The following UPF1 variants were observed in gnomAD, a reference collection of about 807,000 sequenced individuals.
UPF1 encodes the protein regulator of nonsense transcripts 1.
UPF1 carries 9 observed loss-of-function variants against 129.2 expected under a neutral mutation model. The observed-to-expected ratio is 0.07, with a 90% CI of 0.04 to 0.12. The LOEUF is 0.12. Ranked by LOEUF, UPF1 falls within the 10% of genes least tolerant of loss-of-function variation. The probability of loss-of-function intolerance (pLI) is 1.00; values close to 1 mark genes in which losing one functional copy is unlikely to be tolerated. For missense variants in UPF1, 788 were observed against 1,525.3 expected (o/e 0.52, Z 8.05); for synonymous variants, 649 against 644.9 (o/e 1.01, Z -0.10).
At position 18,865,556 on chromosome 19, in the gene UPF1, T is replaced by C. The variant is rs1273886825; in HGVS notation, c.3020-5T>C. 1.2e-6 allele frequency: 2 copies of C among 1,613,746 alleles called. No individual in the cohort carries two copies. Among genetic ancestry groups the C allele is most frequent in the Non-Finnish European group, 8.5e-7 (1 of 1,180,030 alleles). On this transcript the variant is annotated splice_polypyrimidine_tract_variant and splice_region_variant and intron_variant, in intron 21 of 23. Transcript: ENST00000262803. This position sits in a 1 kb window ranked among gnomAD's most constrained non-coding sequence, Gnocchi z 6.1. Reference sequence around the variant, plus strand: ...TTCGGATCACCCTGGACTGCTGTCTTTCAGGGCGAGGCACCCCGAAAGGCA... The same window carrying C: ...TTCGGATCACCCTGGACTGCTGTCTCTCAGGGCGAGGCACCCCGAAAGGCA...
chr19:18,850,262 C>A lies in UPF1; in HGVS notation c.629+20C>A. 1.3e-6 allele frequency: 2 copies of A among 1,566,472 alleles called. No individual in the cohort carries two copies. The highest frequency in any genetic ancestry group is 1.7e-6 in the Non-Finnish European group (2 of 1,156,914). On this transcript the variant is annotated intron_variant, in intron 4 of 23. Transcript: ENST00000262803. This position sits in a 1 kb window ranked among gnomAD's most constrained non-coding sequence, Gnocchi z 7.1. ...GTGCAGGTGAGTGGTCCCCAGATGTCTCCTGGGGGTGACCTTTAAGCTCCA... is the reference window on the plus strand; with the variant it reads ...GTGCAGGTGAGTGGTCCCCAGATGTATCCTGGGGGTGACCTTTAAGCTCCA...
intron 3 of UPF1, chr19:18,848,054 T>G (rs1216289752): frequency 2.1e-6 from 1 of 472,272 alleles, no homozygotes; most frequent in African/African-American, 2.0e-5. Context: ...ATTATGCAAG[T>G]AGGGTTGGCT....
At chr19:18,847,038 C>T (rs1433709908) in intron 2 of UPF1, among the ~76,000 whole-genome samples, 5 of 152,250 alleles carry the variant, frequency 3.3e-5, no homozygotes, top group African/African-American at 9.6e-5. Context: ...GGGGCCCTCC[C>T]TGCAGCTCCT....
intron 11 of UPF1, chr19:18,855,584 G>A (rs533640437): frequency 4.4e-5 from 22 of 504,352 alleles, no homozygotes; most frequent in Non-Finnish European, 7.1e-5. Flanking sequence ...TGAAGCCTGG[G>A]CTGTCTGGAT....
At chr19:18,841,723 AGT>A (rs1217263876) in intron 1 of UPF1, among the ~76,000 whole-genome samples, 1 of 151,966 alleles carries the variant, frequency 6.6e-6, no homozygotes, top group Non-Finnish European at 1.5e-5. Flanking sequence ...CTCCAGGGAG[AGT>A]GGCTGATCCC....
Position 18,854,891 on chromosome 19 carries a change from A to G in UPF1, c.1278A>G (p.Ala426=), listed in dbSNP as rs200925901. The change falls in exon 10 of 24, where the codon GCA becomes GCG. Residue 426 remains alanine (A), a synonymous_variant. Coordinates refer to ENST00000262803, the MANE Select transcript of UPF1 (RefSeq NM_002911.4). The part of the protein sequence containing the change: ...KSTSFDRMQS[A]LKTFAVDETS... ...ACCCTCCTCACAGGATGCAGAGCGC[A>G]TTGAAAACGTTTGCCGTGGATGAGA... 75 of 1,614,198 alleles carry G rather than the reference A, an allele frequency of 4.6e-5. No individual in the cohort carries two copies. The East Asian group carries it at 9.8e-4, about 21-fold the overall frequency.
At chr19:18,841,827 C>A (rs925456778) in intron 1 of UPF1, among the ~76,000 whole-genome samples, 3 of 152,116 alleles carry the variant, frequency 2.0e-5, no homozygotes, top group South Asian at 4.1e-4. Context: ...CTCTAGCACA[C>A]CTGGCTGGAA....
At chr19:18,840,228 A>G (rs2055527314) in intron 1 of UPF1, among the ~76,000 whole-genome samples, 1 of 152,078 alleles carries the variant, frequency 6.6e-6, no homozygotes, top group Non-Finnish European at 1.5e-5. Context: ...CTGTGTGTGT[A>G]CATGTGTGTA....
chr19:18,850,489 C>A lies in UPF1; in HGVS notation c.630-199C>A, dbSNP rs116574983. 1.6e-3 allele frequency among the ~76,000 whole-genome samples: 241 copies of A among 152,372 alleles called. No individual in the cohort carries two copies. The highest frequency in any genetic ancestry group is 5.7e-3 in the African/African-American group (236 of 41,594). On this transcript the variant is annotated intron_variant, in intron 4 of 23. Transcript: ENST00000262803. The surrounding 1 kb of genome is among the most constrained non-coding windows in gnomAD (Gnocchi z 7.1). The stretch of plus-strand genomic sequence containing the variant: ...AAAAACAATTCTGTAAAAACAAAGT[C>A]TGTTCTGAGTTTTAAGAGTTCAGAG...
At chr19:18,856,698 TAA>T (rs2055722071) in intron 13 of UPF1, among the ~76,000 whole-genome samples, 177 bp from the exon 14 acceptor site, 1 of 152,190 alleles carries the variant, frequency 6.6e-6, no homozygotes, top group South Asian at 2.1e-4. Flanking sequence ...TTAAGGATCT[TAA>T]AAGTTTGTAA....
At chr19:18,835,704 C>A (rs1160797112) in intron 1 of UPF1, among the ~76,000 whole-genome samples, 1 of 152,126 alleles carries the variant, frequency 6.6e-6, no homozygotes, top group African/African-American at 2.4e-5. Context: ...ATGGATGGAC[C>A]ATGTTTTGTT....
chr19:18,833,611 A>T (rs947857779), intron 1 of UPF1, among the ~76,000 whole-genome samples: 1 of 151,756 alleles, frequency 6.6e-6, no homozygotes, highest in Non-Finnish European at 1.5e-5. Flanking sequence ...GAATGTCCTC[A>T]TCACCCTCTG....
chr19:18,854,168 A>G (rs2055690423), intron 8 of UPF1, among the ~76,000 whole-genome samples: 1 of 152,158 alleles, frequency 6.6e-6, no homozygotes, highest in Non-Finnish European at 1.5e-5. Context: ...TGGAACTGTG[A>G]GAAGAGCTGC....
intron 9 of UPF1, 44 bp from the exon 10 acceptor site, chr19:18,854,835 C>G: frequency 6.2e-7 from 1 of 1,608,714 alleles, no homozygotes. Flanking sequence ...GTCGGAGAGG[C>G]GGCCACAGCT....
intron 6 of UPF1, 108 bp downstream of exon 6, chr19:18,852,404 G>T (rs2055669459): frequency 1.3e-6 from 2 of 1,493,520 alleles, no homozygotes; most frequent in Admixed American, 4.7e-5. Flanking sequence ...GCTGATGTGG[G>T]CTGCAGCCGC....
Position 18,853,187 on chromosome 19 carries a change from ACT to A in UPF1, c.1058-61_1058-60del, listed in dbSNP as rs2055678698. The A allele has an allele frequency of 3.1e-6, 5 of 1,590,746 alleles. No homozygotes were observed. The East Asian group carries it at 1.1e-4, about 36-fold the overall frequency. On this transcript the variant is annotated intron_variant, in intron 7 of 23. Coordinates refer to ENST00000262803, the MANE Select transcript of UPF1 (RefSeq NM_002911.4). This position sits in a 1 kb window ranked among gnomAD's most constrained non-coding sequence, Gnocchi z 4.4. ...CCTTGTAAAGTGCCCCTTAATTTGA[ACT>A]CTCCCTGGTGGAAGCGACGGCGTGG...
At position 18,851,126 on chromosome 19, in the gene UPF1, C is replaced by G; in HGVS notation, c.810+258C>G. On this transcript the variant is annotated intron_variant, in intron 5 of 23. Transcript: ENST00000262803. The surrounding 1 kb of genome is among the most constrained non-coding windows in gnomAD (Gnocchi z 4.2). The stretch of plus-strand genomic sequence containing the variant: ...GCTGCTGGAATTTTTCTTGTCTTGC[C>G]GGGGTGAGGATGGGTGGTGGGAGGG... 1.6e-5 allele frequency: 6 copies of G among 369,820 alleles called. No individual in the cohort carries two copies. The highest frequency in any genetic ancestry group is 2.9e-5 in the Non-Finnish European group (6 of 205,492). 22.9% of individuals were successfully genotyped at this position (369,820 alleles called of 1,614,324 possible). A position where few individuals can be genotyped will look rare whatever the true frequency, so the allele number is the denominator to read the frequency against.
At chr19:18,837,398 C>G (rs2055494558) in intron 1 of UPF1, among the ~76,000 whole-genome samples, 1 of 152,170 alleles carries the variant, frequency 6.6e-6, no homozygotes, top group Non-Finnish European at 1.5e-5. Context: ...AAAGTGCTGC[C>G]TGGAACTCTC....
rs1301331596 is a variant in UPF1 at position 18,846,085 on chromosome 19, T to C, written c.337T>C (p.Tyr113His). The C allele has an allele frequency of 6.2e-7, 1 of 1,614,134 alleles. No individual in the cohort carries two copies. ...LNFEEDEEDTYYTKDLPIHAC... is the reference protein window; with the variant it reads ...LNFEEDEEDTHYTKDLPIHAC... ...CTTCGAGGAAGATGAAGAAGACACCTATTACACGAAGGACCTCCCCATACA... is the reference window on the plus strand; with the variant it reads ...CTTCGAGGAAGATGAAGAAGACACCCATTACACGAAGGACCTCCCCATACA... Residue 113 changes from tyrosine (Y) to histidine (H), a missense_variant, in exon 2 of 24, where the codon TAT becomes CAT. Coordinates refer to ENST00000262803, the MANE Select transcript of UPF1 (RefSeq NM_002911.4).
Sources: gnomAD v4.1 joint callset for allele counts (sites outside exome capture counted in the v4.1 genomes callset) on GRCh38, gnomAD v4.1.1 for gene constraint, Gnocchi (gnomAD v3.1) non-coding constraint, MANE v1.5 for transcripts, NCBI Gene and HGNC (gene_info 2026-07-23, HGNC 2026-07-21) for gene names.